Variants in MORC1 observed in about 807,000 individuals in gnomAD.
The protein encoded by MORC1 is MORC family CW-type zinc finger protein 1.
In MORC1, 59 loss-of-function variants were observed where a neutral mutation model predicts 134.9. That is an observed-to-expected ratio of 0.44 (90% CI 0.35 to 0.54). MORC1 has a LOEUF of 0.54. Among genes scored for constraint, MORC1 ranks in the 20% least tolerant of loss-of-function variants. The pLI is 0.00. For synonymous variants in MORC1, 395 were observed against 391.7 expected, an observed-to-expected ratio of 1.01 and a Z score of -0.10; for missense variants, 947 against 1,134.5, an observed-to-expected ratio of 0.83 and a Z score of 2.37.
intron 21 of MORC1, among the ~76,000 whole-genome samples, chr3:108,997,880 A>G (rs1477750734): frequency 6.6e-6 from 1 of 152,240 alleles, no homozygotes; most frequent in Non-Finnish European, 1.5e-5. Flanking sequence ...ATCCTTTCAA[A>G]AGGCAGACTG....
chr3:109,034,820 C>A (rs1322380927), intron 15 of MORC1, among the ~76,000 whole-genome samples: 1 of 152,132 alleles, frequency 6.6e-6, no homozygotes, highest in African/African-American at 2.4e-5. Flanking sequence ...ACAATCACAG[C>A]TCACCACAGC....
At position 108,996,286 on chromosome 3, in the gene MORC1, G is replaced by GCGCGCGCGCGCGCACACACACACACACA; in HGVS notation, c.2187+4270_2187+4271insTGTGTGTGTGTGTGTGCGCGCGCGCGCG. On this transcript the variant is annotated intron_variant, in intron 21 of 27. Transcript: ENST00000232603. ...CATGTGCGCGTGCGTGCGCGCGCGC[G>GCGCGCGCGCGCGCACACACACACACACA]CACACACACACACACACACACAACT... Among the ~76,000 whole-genome samples the GCGCGCGCGCGCGCACACACACACACACA allele has an allele frequency of 1.1e-3, 159 of 146,460 alleles. 1 individual carries two copies. Among genetic ancestry groups the GCGCGCGCGCGCGCACACACACACACACA allele is most frequent in the Non-Finnish European group, 1.7e-3 (111 of 66,532 alleles).
At chr3:109,066,817 A>C (rs1465506443) in intron 9 of MORC1, among the ~76,000 whole-genome samples, 2 of 152,242 alleles carry the variant, frequency 1.3e-5, no homozygotes, top group Admixed American at 6.5e-5. Flanking sequence ...AGTGGAGAAG[A>C]GTAAGACTCA....
chr3:109,101,828 C>T (rs1322374207), intron 4 of MORC1, among the ~76,000 whole-genome samples: 1 of 152,178 alleles, frequency 6.6e-6, no homozygotes, highest in Non-Finnish European at 1.5e-5. Flanking sequence ...TAAAAACCTG[C>T]CCAAGGTCAC....
At chr3:108,994,763 C>T (rs1379242172) in intron 21 of MORC1, among the ~76,000 whole-genome samples, 1 of 152,184 alleles carries the variant, frequency 6.6e-6, no homozygotes, top group Non-Finnish European at 1.5e-5. Flanking sequence ...CTGCTGGCAT[C>T]GGTAATTTTA....
rs1950801981 is a variant in MORC1 at position 109,094,985 on chromosome 3, A to C, written c.507T>G (p.Ser169=). ...DDPQKFAMEL[S]IIYKYSPFKT... is the part of the protein sequence containing the mutation. ...TAAATGGGGAGTATTTATAAATTATAGATAATTCCATTGCAAATTTCTGGG... is the reference window on the plus strand; with the variant it reads ...TAAATGGGGAGTATTTATAAATTATCGATAATTCCATTGCAAATTTCTGGG... The change falls in exon 7 of 28, where the codon TCT becomes TCG. Residue 169 remains serine, a synonymous_variant. Transcript: ENST00000232603. The C allele has an allele frequency of 1.3e-6, 2 of 1,596,088 alleles. No homozygotes were observed. The highest frequency in any genetic ancestry group is 2.7e-5 in the African/African-American group (2 of 73,964).
chr3:108,989,845 G>A (rs562493717), intron 21 of MORC1, among the ~76,000 whole-genome samples: 39 of 152,174 alleles, frequency 2.6e-4, no homozygotes, highest in African/African-American at 7.7e-4. Context: ...ATACTACCAC[G>A]GCGAAAAGTT....
chr3:108,988,294 A>T (rs775209459), intron 21 of MORC1, among the ~76,000 whole-genome samples: 37 of 152,210 alleles, frequency 2.4e-4, no homozygotes, highest in Admixed American at 1.0e-3. Context: ...CTTATGGATA[A>T]GGGGAAAATA....
intron 17 of MORC1, among the ~76,000 whole-genome samples, chr3:109,012,591 G>A (rs1559892377): frequency 1.3e-5 from 2 of 152,032 alleles, no homozygotes. Context: ...AATGTTTTCA[G>A]CAGTGTTCTA....
intron 17 of MORC1, among the ~76,000 whole-genome samples, chr3:109,021,562 G>A (rs545923913): frequency 6.6e-6 from 1 of 152,322 alleles, no homozygotes; most frequent in Non-Finnish European, 1.5e-5. Context: ...TGAAACCCAG[G>A]AGTAGACAAC....
intron 17 of MORC1, 60 bp downstream of exon 17, chr3:109,027,691 A>G: frequency 6.2e-7 from 1 of 1,602,272 alleles, no homozygotes; most frequent in Non-Finnish European, 8.5e-7. Context: ...CAATTTGCAC[A>G]TATGAAACCA....
intron 5 of MORC1, among the ~76,000 whole-genome samples, chr3:109,100,027 T>G (rs1420215672): frequency 6.6e-6 from 1 of 152,168 alleles, no homozygotes; most frequent in East Asian, 1.9e-4. Flanking sequence ...GCTGATTACT[T>G]GAGGTCAGGA....
Position 109,100,452 on chromosome 3 carries a change from C to T in MORC1, c.279G>A (p.Leu93=). 6.2e-7 allele frequency: 1 copy of T among 1,613,720 alleles called. No homozygotes were observed. ...CATTGCCGTATTGCCCTATGAACTT[C>T]AAGGTTGACAGCCGTTTTTTGGATC... ...FGRSKKRLST[L]KFIGQYGNGL... is the part of the protein sequence containing the mutation. Residue 93 remains leucine, a synonymous_variant, in exon 5 of 28, where the codon TTG becomes TTA. Coordinates refer to ENST00000232603, the MANE Select transcript of MORC1 (RefSeq NM_014429.4).
intron 14 of MORC1, among the ~76,000 whole-genome samples, chr3:109,037,515 A>C (rs1949406573): frequency 6.6e-6 from 1 of 152,206 alleles, no homozygotes; most frequent in Non-Finnish European, 1.5e-5. Flanking sequence ...GTAGGCATAC[A>C]TGTGCCATGT....
chr3:109,099,686 GA>G (rs1950890772), intron 5 of MORC1, among the ~76,000 whole-genome samples: 3 of 152,102 alleles, frequency 2.0e-5, no homozygotes, highest in Middle Eastern at 6.8e-3. Context: ...GGCTGCAGGG[GA>G]AAGGGTCCAT....
intron 14 of MORC1, among the ~76,000 whole-genome samples, chr3:109,050,752 G>A (rs1439704283): frequency 2.0e-5 from 3 of 152,082 alleles, no homozygotes; most frequent in African/African-American, 7.2e-5. Context: ...TTTTAATAGT[G>A]TTGTGCAAAT....
At chr3:109,110,585 A>G (rs1951141937) in intron 3 of MORC1, among the ~76,000 whole-genome samples, 164 bp downstream of exon 3, 1 of 152,006 alleles carries the variant, frequency 6.6e-6, no homozygotes, top group African/African-American at 2.4e-5. Context: ...CTCAGAGTAT[A>G]CTCTCCTCAC....
At position 109,091,549 on chromosome 3, in the gene MORC1, T is replaced by A. The variant is rs1430092655; in HGVS notation, c.689+1887A>T. 3.3e-5 allele frequency among the ~76,000 whole-genome samples: 5 copies of A among 151,930 alleles called. No homozygotes were observed. The East Asian group carries it at 9.6e-4, about 29-fold the overall frequency. On this transcript the variant is annotated intron_variant, in intron 8 of 27. Transcript: ENST00000232603. ...GGAGACAGTAGGTCAAAATCAACAATGAAGTGGAATTAAGGGCAAATCTTT... is the reference window on the plus strand; with the variant it reads ...GGAGACAGTAGGTCAAAATCAACAAAGAAGTGGAATTAAGGGCAAATCTTT...
At chr3:109,092,925 C>T (rs963856811) in intron 8 of MORC1, among the ~76,000 whole-genome samples, 4 of 152,160 alleles carry the variant, frequency 2.6e-5, no homozygotes, top group African/African-American at 7.2e-5. Flanking sequence ...TCTTTCTCCA[C>T]GCTTTTTCAT....
Sources: gnomAD v4.1 joint callset for allele counts (sites outside exome capture counted in the v4.1 genomes callset) on GRCh38, gnomAD v4.1.1 for gene constraint, MANE v1.5 for transcripts, NCBI Gene and HGNC (gene_info 2026-07-23, HGNC 2026-07-21) for gene names.